The following ZZEF1 variants were observed in gnomAD, a reference collection of about 807,000 sequenced individuals.
The protein encoded by ZZEF1 is zinc finger ZZ-type and EF-hand domain-containing protein 1.
ZZEF1 carries 157 observed loss-of-function variants against 342.8 expected under a neutral mutation model. That is an observed-to-expected ratio of 0.46 (90% CI 0.40 to 0.52). The LOEUF (loss-of-function observed/expected upper bound fraction) is 0.52. Among genes scored for constraint, ZZEF1 ranks in the 20% least tolerant of loss-of-function variants. The pLI is 0.00. For synonymous variants in ZZEF1, 1,505 were observed against 1,429.1 expected (o/e 1.05, Z -1.20); for missense variants, 3,480 against 3,725.6 (o/e 0.93, Z 1.72).
intron 51 of ZZEF1, 42 bp from the exon 52 acceptor site, chr17:4,013,656 G>A (rs765239884): frequency 3.4e-5 from 53 of 1,543,416 alleles, no homozygotes; most frequent in Middle Eastern, 1.7e-4. Flanking sequence ...ACAGAGATAC[G>A]TAATAAGTAA....
At chr17:4,135,883 T>C (rs887464641) in intron 1 of ZZEF1, among the ~76,000 whole-genome samples, 2 of 152,112 alleles carry the variant, frequency 1.3e-5, no homozygotes, top group Non-Finnish European at 2.9e-5. Context: ...TATTGGCTGA[T>C]CCAGTAAAAT....
At chr17:4,105,981 G>A (rs559062991) in intron 6 of ZZEF1, among the ~76,000 whole-genome samples, 172 bp from the exon 7 acceptor site, 1 of 152,048 alleles carries the variant, frequency 6.6e-6, no homozygotes, top group East Asian at 1.9e-4. Context: ...ACGGAGTCTC[G>A]CTCTATCACC....
chr17:4,142,113 C>G (rs1183554241), intron 1 of ZZEF1, among the ~76,000 whole-genome samples: 1 of 152,206 alleles, frequency 6.6e-6, no homozygotes, highest in Non-Finnish European at 1.5e-5. Context: ...TTACTACTGT[C>G]TTTCCACACT....
Position 4,081,397 on chromosome 17 carries a change from G to A in ZZEF1, c.2808C>T (p.Leu936=), listed in dbSNP as rs562954309. The A allele has an allele frequency of 8.7e-6, 14 of 1,613,664 alleles. No individual in the cohort carries two copies. The highest frequency in any genetic ancestry group is 6.6e-5 in the South Asian group (6 of 91,048). Residue 936 remains leucine, a synonymous_variant, in exon 18 of 55, where the codon CTC becomes CTT. Transcript: ENST00000381638. ...ISEVLAVMDT[L]VSVAARECEL... is the part of the protein sequence containing the mutation. ...ATACCTCTCGAGCAGCAACAGAGAC[G>A]AGAGTGTCCATGACCGCCAGGACTT...
At chr17:4,090,936 C>G in intron 11 of ZZEF1, 106 bp from the exon 12 acceptor site, 1 of 818,602 alleles carries the variant, frequency 1.2e-6, no homozygotes, top group South Asian at 1.5e-5. Context: ...TGTAGCCTGT[C>G]AGTGAACAAT....
intron 2 of ZZEF1, 110 bp from the exon 3 acceptor site, chr17:4,117,276 T>C (rs1397536896): frequency 1.3e-6 from 1 of 766,062 alleles, no homozygotes; most frequent in African/African-American, 1.8e-5. Flanking sequence ...TCATTAACAA[T>C]CTTCATTGAT....
chr17:4,026,709 G>A (rs1271773144), intron 42 of ZZEF1, among the ~76,000 whole-genome samples: 2 of 151,694 alleles, frequency 1.3e-5, no homozygotes, highest in South Asian at 2.1e-4. Context: ...TAGTAGAGAC[G>A]GGGTTTTACC....
chr17:4,127,372 A>G (rs1203696400), intron 1 of ZZEF1, among the ~76,000 whole-genome samples: 2 of 152,186 alleles, frequency 1.3e-5, no homozygotes, highest in Non-Finnish European at 2.9e-5. Context: ...GCAGTGTTGC[A>G]TGTGTTTTTT....
chr17:4,020,225 C>T (rs923157668), intron 45 of ZZEF1, among the ~76,000 whole-genome samples: 7 of 152,128 alleles, frequency 4.6e-5, no homozygotes, highest in African/African-American at 7.2e-5. Flanking sequence ...TACCCAAAAG[C>T]GTAGAAAGGC....
At position 4,009,552 on chromosome 17, in the gene ZZEF1, G is replaced by T. The variant is rs762115302; in HGVS notation, c.8733+52C>A. The T allele has an allele frequency of 3.1e-6, 5 of 1,607,968 alleles. No homozygotes were observed. In the Admixed American group the frequency reaches 8.3e-5, roughly 27 times the overall value. On this transcript the variant is annotated intron_variant, in intron 53 of 54. Coordinates refer to ENST00000381638, the MANE Select transcript of ZZEF1 (RefSeq NM_015113.4). ...CAGCTTCTGCCCTGGGTAGCAGAGG[G>T]AGCAAACGCACATGGAGGCACCGGG...
chr17:4,087,897 T>A (rs1262720002), intron 13 of ZZEF1, among the ~76,000 whole-genome samples: 2 of 152,052 alleles, frequency 1.3e-5, no homozygotes, highest in African/African-American at 4.8e-5. Flanking sequence ...TGTCCAGGAC[T>A]GTACTACAAT....
At chr17:4,128,591 C>G (rs1483663879) in intron 1 of ZZEF1, among the ~76,000 whole-genome samples, 1 of 151,136 alleles carries the variant, frequency 6.6e-6, no homozygotes, top group Non-Finnish European at 1.5e-5. Flanking sequence ...TCCCGAGTAG[C>G]TGGGACCACA....
chr17:4,063,668 C>A (rs946477545), intron 29 of ZZEF1, among the ~76,000 whole-genome samples: 1 of 152,056 alleles, frequency 6.6e-6, no homozygotes, highest in African/African-American at 2.4e-5. Context: ...CTCAAGTGAT[C>A]CTCCTGCCTC....
At chr17:4,096,971 A>G (rs1377930124) in intron 9 of ZZEF1, among the ~76,000 whole-genome samples, 1 of 152,036 alleles carries the variant, frequency 6.6e-6, no homozygotes, top group African/African-American at 2.4e-5. Context: ...ATAAGAAAAT[A>G]AATGTTTAGG....
intron 28 of ZZEF1, among the ~76,000 whole-genome samples, chr17:4,065,821 G>T (rs767923447): frequency 6.6e-6 from 1 of 152,028 alleles, no homozygotes; most frequent in Non-Finnish European, 1.5e-5. Context: ...TGAATATTCA[G>T]TGTGAGCACA....
Position 4,058,011 on chromosome 17 carries a change from G to C in ZZEF1, c.5148C>G (p.Val1716=). 6.2e-7 allele frequency: 1 copy of C among 1,614,132 alleles called. No individual in the cohort carries two copies. Reference sequence around the variant, plus strand: ...GCTCTTACCTGATCACACTGTCATGGACACTTATATTCTCCTGTGACATTT... The same window carrying C: ...GCTCTTACCTGATCACACTGTCATGCACACTTATATTCTCCTGTGACATTT... ...LMKMSQENIS[V]HDSVISQWSE... The change falls in exon 32 of 55, where the codon GTC becomes GTG. Residue 1716 remains valine, a synonymous_variant. Coordinates refer to ENST00000381638, the MANE Select transcript of ZZEF1 (RefSeq NM_015113.4).
At chr17:4,117,648 C>CAAAAAAAAAAAAAAA (rs61155656) in intron 2 of ZZEF1, among the ~76,000 whole-genome samples, 6 of 89,050 alleles carry the variant, frequency 6.7e-5, no homozygotes, top group East Asian at 3.0e-4. Context: ...AACTCCACCT[C>CAAAAAAAAAAAAAAA]AAAAAAAAAA....
chr17:4,124,027 C>G lies in ZZEF1; in HGVS notation c.379G>C (p.Gly127Arg), dbSNP rs1358332542. The change falls in exon 2 of 55, where the codon GGT becomes CGT. Residue 127 changes from glycine (G) to arginine (R), a missense_variant. By Grantham distance (125) the Gly-to-Arg change is moderately radical. Around this residue, in one of 5 missense-constraint regions of ZZEF1, gnomAD observed 416 missense variants for 374.2 expected, o/e 1.11. Coordinates refer to ENST00000381638, the MANE Select transcript of ZZEF1 (RefSeq NM_015113.4). Reference sequence around the variant, plus strand: ...TTCTCGGCATCAACTGTCCCATCACCCTCAGCATCAAACTGGGCAAAGGCC... The same window carrying G: ...TTCTCGGCATCAACTGTCCCATCACGCTCAGCATCAAACTGGGCAAAGGCC... ...EEAFAQFDAE[G>R]DGTVDAENML... 6 of 1,613,456 alleles carry G rather than the reference C, an allele frequency of 3.7e-6. No homozygotes were observed. Among genetic ancestry groups the G allele is most frequent in the Non-Finnish European group, 5.1e-6 (6 of 1,179,738 alleles).
At chr17:4,083,261 C>T (rs957727156) in intron 16 of ZZEF1, among the ~76,000 whole-genome samples, 3 of 152,196 alleles carry the variant, frequency 2.0e-5, no homozygotes, top group Non-Finnish European at 2.9e-5. Flanking sequence ...AAACGTCATG[C>T]GTCCTGTTTC....
Sources: allele counts gnomAD v4.1 joint callset (sites outside exome capture counted in the v4.1 genomes callset), GRCh38; gene constraint gnomAD v4.1.1; regional missense constraint gnomAD v4.1.1; transcripts MANE v1.5; gene names NCBI Gene and HGNC (gene_info 2026-07-23, HGNC 2026-07-21).